Variants in MAP3K19 observed in about 807,000 individuals in gnomAD.
The protein encoded by MAP3K19 is SPS1/STE20-related protein kinase YSK4.
MAP3K19 carries 91 observed loss-of-function variants against 114.4 expected under a neutral mutation model. That is an observed-to-expected ratio of 0.80 (90% CI 0.67 to 0.95). The LOEUF is 0.95. MAP3K19 is among the 40% of genes least tolerant of loss of function. The probability of loss-of-function intolerance (pLI) is 0.00; values close to 1 mark genes in which losing one functional copy is unlikely to be tolerated. For synonymous variants in MAP3K19, 518 were observed against 530.5 expected, an observed-to-expected ratio of 0.98 and a Z score of 0.32; for missense variants, 1,471 against 1,573.2, an observed-to-expected ratio of 0.94 and a Z score of 1.10.
chr2:134,978,432 C>T (rs1425658263), intron 12 of MAP3K19, among the ~76,000 whole-genome samples: 3 of 151,990 alleles, frequency 2.0e-5, no homozygotes, highest in African/African-American at 4.8e-5. Context: ...AACTCCTGGG[C>T]TTAAGTGATC....
intron 2 of MAP3K19, among the ~76,000 whole-genome samples, chr2:135,038,734 T>G (rs1688583673): frequency 6.6e-6 from 1 of 151,960 alleles, no homozygotes; most frequent in African/African-American, 2.4e-5. Context: ...GGTGCACACC[T>G]GTAATCCCAA....
intron 12 of MAP3K19, among the ~76,000 whole-genome samples, chr2:134,979,530 A>G (rs1013691348): frequency 6.6e-6 from 1 of 152,072 alleles, no homozygotes; most frequent in African/African-American, 2.4e-5. Context: ...GCTGTGAGTC[A>G]ATAATATAGG....
At chr2:135,019,370 C>G (rs943976214) in intron 5 of MAP3K19, among the ~76,000 whole-genome samples, 19 of 152,222 alleles carry the variant, frequency 1.2e-4, no homozygotes, top group Admixed American at 1.0e-3. Flanking sequence ...AAAGGCTTCT[C>G]TAAACCTATC....
At chr2:134,995,156 A>AT (rs1425807254) in intron 8 of MAP3K19, among the ~76,000 whole-genome samples, 2 of 152,038 alleles carry the variant, frequency 1.3e-5, no homozygotes, top group Non-Finnish European at 2.9e-5. Flanking sequence ...TACCAAAGAA[A>AT]TTTTTTTAAA....
chr2:134,965,975 C>CATGGTA (rs1559129487), intron 12 of MAP3K19, among the ~76,000 whole-genome samples: 1 of 152,080 alleles, frequency 6.6e-6, no homozygotes, highest in African/African-American at 2.4e-5. Context: ...TAAGAGAGAA[C>CATGGTA]GTGGTATTTG....
chr2:134,991,591 A>G lies in MAP3K19; in HGVS notation c.575-11T>C, dbSNP rs1166158100. ...GAGAGGTCGAAAACTCTACAACAAGAAAAACAATAACTGGATATTCTTAGT... is the reference window on the plus strand; with the variant it reads ...GAGAGGTCGAAAACTCTACAACAAGGAAAACAATAACTGGATATTCTTAGT... On this transcript the variant is annotated splice_polypyrimidine_tract_variant and intron_variant, in intron 8 of 12. Coordinates refer to ENST00000392915, the MANE Select transcript of MAP3K19 (RefSeq NM_025052.5). The G allele has an allele frequency of 6.2e-7, 1 of 1,609,516 alleles. No individual in the cohort carries two copies. The highest frequency in any genetic ancestry group is 1.1e-5 in the South Asian group (1 of 90,980).
At chr2:134,978,899 C>T (rs1303210291) in intron 12 of MAP3K19, among the ~76,000 whole-genome samples, 1 of 152,128 alleles carries the variant, frequency 6.6e-6, no homozygotes. Flanking sequence ...CTTTTGCAGC[C>T]CCCTGCTCCT....
chr2:135,009,877 C>T (rs912984912), intron 5 of MAP3K19, among the ~76,000 whole-genome samples: 1 of 152,120 alleles, frequency 6.6e-6, no homozygotes, highest in Admixed American at 6.5e-5. Flanking sequence ...GAACACTAAG[C>T]ATAAATGGGT....
At chr2:134,997,822 A>AAAAAAAAAAAAAAAAAAAAAAAAAAAAC (rs1559164840) in intron 8 of MAP3K19, among the ~76,000 whole-genome samples, 7 of 151,378 alleles carry the variant, frequency 4.6e-5, no homozygotes, top group Non-Finnish European at 8.9e-5. Context: ...CGTCTCAAAA[A>AAAAAAAAAAAAAAAAAAAAAAAAAAAAC]AAAAAAAACT....
chr2:135,037,205 C>T (rs1021869526), intron 2 of MAP3K19, among the ~76,000 whole-genome samples: 1 of 152,180 alleles, frequency 6.6e-6, no homozygotes, highest in Non-Finnish European at 1.5e-5. Context: ...CCCATGTTGG[C>T]CAGGTTGGTC....
Position 134,981,442 on chromosome 2 carries a change from G to A in MAP3K19, c.3299C>T (p.Ala1100Val). 1 of 1,614,168 alleles carries A rather than the reference G, an allele frequency of 6.2e-7. No individual in the cohort carries two copies. The highest frequency in any genetic ancestry group is 8.5e-7 in the Non-Finnish European group (1 of 1,180,022). Residue 1100 changes from alanine to valine, a missense_variant, in exon 12 of 13, where the codon GCT (alanine) becomes GTT (valine). By Grantham distance (64) the Ala-to-Val change is moderately conservative. Coordinates refer to ENST00000392915, the MANE Select transcript of MAP3K19 (RefSeq NM_025052.5). ...TAGTTTCCGGTATTCCTTTTCAGCA[G>A]CTAATTTATTAGAGGTATCCAAAGC... ...QVALDTSNKL[A>V]AEKEYRKLQE...
At chr2:135,006,193 A>T (rs1476296127) in intron 5 of MAP3K19, among the ~76,000 whole-genome samples, 1 of 152,224 alleles carries the variant, frequency 6.6e-6, no homozygotes, top group Non-Finnish European at 1.5e-5. Flanking sequence ...ATTGTTTTTG[A>T]TAGTTTCCTT....
intron 9 of MAP3K19, among the ~76,000 whole-genome samples, chr2:134,990,168 C>A (rs1426921372): frequency 6.6e-6 from 1 of 152,026 alleles, no homozygotes; most frequent in Non-Finnish European, 1.5e-5. Flanking sequence ...CATGGCAAGG[C>A]ATAATTTTCC....
At position 134,964,890 on chromosome 2, in the gene MAP3K19, A is replaced by T; in HGVS notation, c.3947T>A (p.Leu1316His). ...CAAGAAGGAGTGCTTCAGGAGCTGGAGAGCAGAAGGTCGCTCATGCTGGTC... is the reference window on the plus strand; with the variant it reads ...CAAGAAGGAGTGCTTCAGGAGCTGGTGAGCAGAAGGTCGCTCATGCTGGTC... ...TRDQHERPSA[L>H]QLLKHSFLER... The change falls in exon 13 of 13, where the codon CTC (leucine) becomes CAC (histidine). Residue 1316 changes from leucine (L) to histidine (H), a missense_variant. Leu to His is a moderately conservative substitution (Grantham distance 99). Transcript: ENST00000392915. 1.9e-6 allele frequency: 3 copies of T among 1,613,212 alleles called. No individual in the cohort carries two copies. The highest frequency in any genetic ancestry group is 2.5e-6 in the Non-Finnish European group (3 of 1,179,460).
rs1559149473 is a variant in MAP3K19, at chr2:134,986,148, GA to G, written c.2723del (p.Phe908SerfsTer25). 6.2e-7 allele frequency: 1 copy of G among 1,613,868 alleles called. No homozygotes were observed. Among genetic ancestry groups the G allele is most frequent in the Admixed American group, 1.7e-5 (1 of 59,986 alleles). Reference sequence around the variant, plus strand: ...AAGATGCACTTTCTTGTTTTGCTTGGAAAGAGAAATTTGTAAGTGTTTTAGA... The same window carrying G: ...AAGATGCACTTTCTTGTTTTGCTTGGAAGAGAAATTTGTAAGTGTTTTAGA... Reference protein sequence around the residue: ...DHSKTLTNFSFQAKQESASSQ... With the variant: ...DHSKTLTNFSXQAKQESASSQ... On this transcript the variant is annotated frameshift_variant, in exon 10 of 13. Transcript: ENST00000392915. LOFTEE classifies it high-confidence loss of function.
At chr2:134,979,591 C>T (rs1296188000) in intron 12 of MAP3K19, among the ~76,000 whole-genome samples, 3 of 150,482 alleles carry the variant, frequency 2.0e-5, no homozygotes, top group Non-Finnish European at 1.5e-5. Flanking sequence ...ACAGTTAACA[C>T]CAATATCAAA....
Position 134,998,931 on chromosome 2 carries a change from T to C in MAP3K19, c.381A>G (p.Glu127=). ...GCTTCTTTTTCCTGAGCTCCACCGT[T>C]TCTATTTCATTTGGATGAGAAACTG... The part of the protein sequence containing the change: ...AHAVSHPNEI[E]TVELRKKKLT... Residue 127 remains glutamate, a synonymous_variant, in exon 8 of 13, where the codon GAA becomes GAG. Coordinates refer to ENST00000392915, the MANE Select transcript of MAP3K19 (RefSeq NM_025052.5). 6.2e-7 allele frequency: 1 copy of C among 1,614,196 alleles called. No individual in the cohort carries two copies.
chr2:134,997,627 T>A (rs1229793649), intron 8 of MAP3K19, among the ~76,000 whole-genome samples: 1 of 152,054 alleles, frequency 6.6e-6, no homozygotes, highest in Non-Finnish European at 1.5e-5. Flanking sequence ...GACACCATCC[T>A]GGCCAACATG....
rs1290794242 is a variant in MAP3K19 at position 134,968,788 on chromosome 2, T to G, written c.3921-3872A>C. 4.0e-4 allele frequency among the ~76,000 whole-genome samples: 56 copies of G among 139,246 alleles called. 1 individual carries two copies. In the East Asian group the frequency reaches 0.01, roughly 26 times the overall value. 91.4% of individuals were successfully genotyped at this position (139,246 alleles called of 152,430 possible). On this transcript the variant is annotated intron_variant, in intron 12 of 12. Coordinates refer to ENST00000392915, the MANE Select transcript of MAP3K19 (RefSeq NM_025052.5). ...AGAGACGCTCCTCACCTCCTAGATGTGATGGCGGCTGGGAAGAGGCGCTCC... is the reference window on the plus strand; with the variant it reads ...AGAGACGCTCCTCACCTCCTAGATGGGATGGCGGCTGGGAAGAGGCGCTCC...
Sources: allele counts gnomAD v4.1 joint callset (sites outside exome capture counted in the v4.1 genomes callset), GRCh38; gene constraint gnomAD v4.1.1; transcripts MANE v1.5; gene names NCBI Gene and HGNC (gene_info 2026-07-23, HGNC 2026-07-21).